Variants in RELL1 observed in about 807,000 individuals in gnomAD.
The protein encoded by RELL1 is RELT-like protein 1.
Under a neutral mutation model 23.0 loss-of-function variants are expected in RELL1, and 10 were observed. The observed-to-expected ratio is 0.43, with a 90% confidence interval of 0.27 to 0.74. The LOEUF is 0.74. Among genes scored for constraint, RELL1 ranks in the 30% least tolerant of loss-of-function variants. The pLI is 0.19. For synonymous variants in RELL1, 146 were observed against 146.8 expected, an observed-to-expected ratio of 0.99 and a Z score of 0.04; for missense variants, 315 against 364.4, an observed-to-expected ratio of 0.86 and a Z score of 1.10.
chr4:37,656,971 A>G (rs973401079), intron 1 of RELL1, among the ~76,000 whole-genome samples: 22 of 152,232 alleles, frequency 1.4e-4, no homozygotes, highest in African/African-American at 5.1e-4. Context: ...AAATGAAGAC[A>G]CAACCCAAGA....
At chr4:37,615,751 T>G (rs974616226) in intron 6 of RELL1, among the ~76,000 whole-genome samples, 1 of 152,222 alleles carries the variant, frequency 6.6e-6, no homozygotes, top group African/African-American at 2.4e-5. Context: ...TGTAACCATT[T>G]TGCTTATAAA....
At chr4:37,684,991 A>G (rs2109322495) in intron 1 of RELL1, among the ~76,000 whole-genome samples, 1 of 152,284 alleles carries the variant, frequency 6.6e-6, no homozygotes, top group Non-Finnish European at 1.5e-5. Context: ...CCCATCCAGT[A>G]AAACATGTCA....
At chr4:37,679,797 A>C (rs1722142134) in intron 1 of RELL1, among the ~76,000 whole-genome samples, 1 of 152,082 alleles carries the variant, frequency 6.6e-6, no homozygotes. Flanking sequence ...TCTACTAAAA[A>C]TACAAAAATT....
At chr4:37,639,408 AT>A (rs761180912) in intron 3 of RELL1, among the ~76,000 whole-genome samples, 16 of 150,042 alleles carry the variant, frequency 1.1e-4, no homozygotes, top group African/African-American at 3.4e-4. Context: ...AAAAAAAAAA[AT>A]TTCAAGTATT....
chr4:37,604,504 T>TA (rs1719100084), intron 6 of RELL1, among the ~76,000 whole-genome samples: 1 of 151,998 alleles, frequency 6.6e-6, no homozygotes, highest in Non-Finnish European at 1.5e-5. Context: ...TTCAAGGACA[T>TA]ACACACGCGC....
At chr4:37,651,672 G>A (rs1011881534) in intron 1 of RELL1, among the ~76,000 whole-genome samples, 7 of 152,146 alleles carry the variant, frequency 4.6e-5, no homozygotes, top group Admixed American at 1.3e-4. Flanking sequence ...TTAAATCCTC[G>A]GACCAGATGG....
At chr4:37,674,653 A>T (rs1052223674) in intron 1 of RELL1, among the ~76,000 whole-genome samples, 4 of 152,236 alleles carry the variant, frequency 2.6e-5, no homozygotes, top group Admixed American at 1.3e-4. Flanking sequence ...TATAAAGTGG[A>T]TAATTCACAT....
At chr4:37,667,187 C>G (rs1577602421) in intron 1 of RELL1, among the ~76,000 whole-genome samples, 1 of 152,024 alleles carries the variant, frequency 6.6e-6, no homozygotes, top group Non-Finnish European at 1.5e-5. Context: ...CAAACAAGAA[C>G]TCTGAAAACC....
intron 6 of RELL1, among the ~76,000 whole-genome samples, chr4:37,604,834 C>CACACACACAGACACACACAT (rs1719124803): frequency 9.5e-6 from 1 of 105,270 alleles, no homozygotes; most frequent in Non-Finnish European, 1.9e-5. Flanking sequence ...CACACACATA[C>CACACACACAGACACACACAT]ACACAGACAC....
chr4:37,618,654 T>C (rs1173461339), intron 6 of RELL1, among the ~76,000 whole-genome samples: 20 of 152,262 alleles, frequency 1.3e-4, no homozygotes, highest in Admixed American at 1.3e-3. Context: ...TGCTACTATG[T>C]AAATAATGCT....
intron 1 of RELL1, among the ~76,000 whole-genome samples, chr4:37,660,233 T>A (rs921714359): frequency 2.6e-5 from 4 of 152,074 alleles, no homozygotes; most frequent in African/African-American, 9.7e-5. Flanking sequence ...CAGCTACCTG[T>A]GTGATACTGA....
intron 6 of RELL1, among the ~76,000 whole-genome samples, chr4:37,618,644 T>C (rs923342118): frequency 1.3e-5 from 2 of 152,224 alleles, no homozygotes; most frequent in African/African-American, 4.8e-5. Flanking sequence ...TCCAGGTACT[T>C]GCTACTATGT....
At chr4:37,664,946 C>T (rs1013773983) in intron 1 of RELL1, among the ~76,000 whole-genome samples, 10 of 152,104 alleles carry the variant, frequency 6.6e-5, no homozygotes, top group African/African-American at 2.4e-4. Flanking sequence ...CGCCGGAAAA[C>T]CCTGACTGAA....
At chr4:37,623,612 C>T (rs962894330) in intron 6 of RELL1, 2 of 152,348 alleles carry the variant, frequency 1.3e-5, no homozygotes, top group Admixed American at 1.3e-4. Context: ...GTTCTACCTA[C>T]CTAGGCTTCA....
chr4:37,651,950 C>G (rs1720960927), intron 1 of RELL1, among the ~76,000 whole-genome samples: 1 of 152,228 alleles, frequency 6.6e-6, no homozygotes, highest in African/African-American at 2.4e-5. Flanking sequence ...AAAGTGGGTA[C>G]AAGCTATACC....
chr4:37,643,638 T>C (rs1720599805), intron 3 of RELL1, among the ~76,000 whole-genome samples: 1 of 152,316 alleles, frequency 6.6e-6, no homozygotes, highest in Admixed American at 6.5e-5. Context: ...AATTCCAATT[T>C]ATCAAAGACA....
rs3756143 is a variant in RELL1 at position 37,638,767 on chromosome 4, T to C, written c.386-263A>G. 0.26 allele frequency among the ~76,000 whole-genome samples: 38,780 copies of C among 152,050 alleles called. 5,104 individuals are homozygous for C. Among genetic ancestry groups the C allele is most frequent in the East Asian group, 0.41 (2,121 of 5,168 alleles). ...CAGATCTACTATAAGGCATTGCTTC[T>C]TACACATCAATAGCAATATAAAGTA... On this transcript the variant is annotated intron_variant, in intron 3 of 6. Transcript: ENST00000454158.
chr4:37,678,671 A>G (rs1213966060), intron 1 of RELL1, among the ~76,000 whole-genome samples: 1 of 152,256 alleles, frequency 6.6e-6, no homozygotes, highest in Non-Finnish European at 1.5e-5. Context: ...ATAGGTTAGT[A>G]TCTGGTTTAG....
At chr4:37,637,490 C>A (rs762144764) in intron 4 of RELL1, among the ~76,000 whole-genome samples, 1 of 152,244 alleles carries the variant, frequency 6.6e-6, no homozygotes, top group Admixed American at 6.5e-5. Flanking sequence ...CTACAGCCAG[C>A]CCTGACTCTT....
Sources: gnomAD v4.1 joint callset for allele counts (sites outside exome capture counted in the v4.1 genomes callset) on GRCh38, gnomAD v4.1.1 for gene constraint, MANE v1.5 for transcripts, NCBI Gene and HGNC (gene_info 2026-07-23, HGNC 2026-07-21) for gene names.